ZFHX3: variants seen among roughly 807,000 people sequenced by gnomAD.
ZFHX3 encodes zinc finger homeobox protein 3.
ZFHX3 carries 42 observed loss-of-function variants against 279.1 expected under a neutral mutation model. That is an observed-to-expected ratio of 0.15 (90% CI 0.12 to 0.19). ZFHX3 has a LOEUF of 0.19. Among genes scored for constraint, ZFHX3 ranks in the 10% least tolerant of loss-of-function variants. The pLI is 1.00. For missense variants in ZFHX3, 4,981 were observed against 4,754.0 expected, an observed-to-expected ratio of 1.05 and a Z score of -1.40; for synonymous variants, 2,293 against 1,957.8, an observed-to-expected ratio of 1.17 and a Z score of -4.52.
intron 1 of ZFHX3, among the ~76,000 whole-genome samples, chr16:73,011,347 G>T (rs1963912318): frequency 6.6e-6 from 1 of 151,584 alleles, no homozygotes; most frequent in Non-Finnish European, 1.5e-5. Flanking sequence ...GCCCAGCGTG[G>T]TCTCAAACTC....
chr16:72,829,262 C>T (rs553163607), intron 5 of ZFHX3, among the ~76,000 whole-genome samples: 11 of 152,038 alleles, frequency 7.2e-5, no homozygotes, highest in South Asian at 4.2e-4. Flanking sequence ...ATCCTCCCAC[C>T]TCAGCCTCCC....
At chr16:73,394,667 C>T (rs546710994) in intron 3 of ZFHX3, among the ~76,000 whole-genome samples, 27 of 152,158 alleles carry the variant, frequency 1.8e-4, no homozygotes, top group African/African-American at 3.1e-4. Context: ...TGTAATGGTA[C>T]AGAAAACCCT....
At chr16:73,223,449 T>C (rs527489715) in intron 5 of ZFHX3, among the ~76,000 whole-genome samples, 1 of 152,210 alleles carries the variant, frequency 6.6e-6, no homozygotes, top group South Asian at 2.1e-4. Context: ...ATATAGATGG[T>C]AAACAAGCAT....
chr16:73,257,091 G>A (rs950643610), exon 5 of ZFHX3: 1 of 152,170 alleles, frequency 6.6e-6, no homozygotes, highest in African/African-American at 2.4e-5. Flanking sequence ...AGGACTCAAA[G>A]TTGTCCTGTT....
chr16:73,679,468 T>A (rs1468373013), intron 2 of ZFHX3: 1 of 152,180 alleles, frequency 6.6e-6, no homozygotes, highest in Non-Finnish European at 1.5e-5. Flanking sequence ...AATGGTAACT[T>A]GGTTCTGCGT....
chr16:73,498,489 CA>C (rs2019179335), intron 2 of ZFHX3, among the ~76,000 whole-genome samples: 1 of 152,148 alleles, frequency 6.6e-6, no homozygotes, highest in Admixed American at 6.5e-5. Flanking sequence ...AATCATTTTT[CA>C]AAAGACCTGG....
intron 3 of ZFHX3, among the ~76,000 whole-genome samples, chr16:72,932,119 T>C (rs551648402): frequency 6.6e-6 from 1 of 152,200 alleles, no homozygotes; most frequent in Admixed American, 6.5e-5. Context: ...GAGTGTCCTG[T>C]GTACTCTATG....
At chr16:73,873,945 A>G (rs1263553815) in intron 1 of ZFHX3, among the ~76,000 whole-genome samples, 2 of 152,092 alleles carry the variant, frequency 1.3e-5, no homozygotes, top group African/African-American at 4.8e-5. Flanking sequence ...ATTTTCAGAC[A>G]CAACAGTCAG....
At chr16:72,827,767 G>A (rs2036969357) in intron 5 of ZFHX3, among the ~76,000 whole-genome samples, 2 of 152,160 alleles carry the variant, frequency 1.3e-5, no homozygotes, top group Admixed American at 1.3e-4. Context: ...CGCCTAGGGT[G>A]TTTGACCCTC....
At chr16:73,039,794 A>C (rs1965045207) in intron 1 of ZFHX3, among the ~76,000 whole-genome samples, 1 of 152,102 alleles carries the variant, frequency 6.6e-6, no homozygotes, top group African/African-American at 2.4e-5. Context: ...GGCCTACCAA[A>C]GTGCTGGGAT....
chr16:73,069,357 AAAG>A (rs1256238369), intron 8 of ZFHX3, among the ~76,000 whole-genome samples: 1 of 152,146 alleles, frequency 6.6e-6, no homozygotes, highest in East Asian at 1.9e-4. Flanking sequence ...GGGGGAAGCA[AAAG>A]AAGAAGCAAT....
Position 73,472,451 on chromosome 16 carries a change from C to T in ZFHX3, c.-1546-16193G>A, listed in dbSNP as rs1363059620. Reference sequence around the variant, plus strand: ...AAGCCACAAAGCTTCAAGTTCACTGCCAAAAAGCTCCACCACATTGGAAGA... The same window carrying T: ...AAGCCACAAAGCTTCAAGTTCACTGTCAAAAAGCTCCACCACATTGGAAGA... On this transcript the variant is annotated intron_variant, in intron 2 of 17. Transcript: ENST00000641206. Among the ~76,000 whole-genome samples the T allele has an allele frequency of 2.6e-5, 4 of 152,196 alleles. No individual in the cohort carries two copies. In the East Asian group the frequency reaches 5.8e-4, roughly 22 times the overall value.
intron 2 of ZFHX3, among the ~76,000 whole-genome samples, chr16:72,953,463 T>C (rs1305105877): frequency 6.6e-6 from 1 of 152,168 alleles, no homozygotes. Flanking sequence ...CATCAAATCG[T>C]CTCCACTTTT....
At chr16:73,356,168 A>G (rs894283454) in intron 3 of ZFHX3, among the ~76,000 whole-genome samples, 1 of 151,964 alleles carries the variant, frequency 6.6e-6, no homozygotes, top group African/African-American at 2.4e-5. Context: ...TGGCGGAGTC[A>G]CCCCCCGCCG....
At chr16:73,288,326 T>A (rs1489471244) in intron 4 of ZFHX3, among the ~76,000 whole-genome samples, 4 of 152,038 alleles carry the variant, frequency 2.6e-5, no homozygotes, top group Admixed American at 2.0e-4. Flanking sequence ...AAGCTGGACA[T>A]CCCTCCATGT....
rs1178409943 is a variant in ZFHX3, at chr16:73,483,810, G to A, written c.-1546-27552C>T. On this transcript the variant is annotated intron_variant, in intron 2 of 17. Transcript: ENST00000641206. ...AATTGGGAGGTGCTGTTCCCATTAG[G>A]AGTCCTGCAAATTATGAAGAAAAAT... 3.9e-5 allele frequency among the ~76,000 whole-genome samples: 6 copies of A among 152,082 alleles called. No individual in the cohort carries two copies. In the South Asian group the frequency reaches 8.3e-4, roughly 21 times the overall value.
chr16:73,402,848 C>T (rs550070680), intron 3 of ZFHX3, among the ~76,000 whole-genome samples: 4 of 151,202 alleles, frequency 2.6e-5, no homozygotes, highest in East Asian at 1.9e-4. Flanking sequence ...CCCTAAGGTA[C>T]GGCAGAGGGA....
intron 1 of ZFHX3, among the ~76,000 whole-genome samples, chr16:73,022,721 T>C (rs543248826): frequency 8.9e-4 from 136 of 152,176 alleles, no homozygotes; most frequent in Admixed American, 1.6e-3. Context: ...ATGAGCGAAG[T>C]TGGCTGGGAA....
chr16:73,599,872 T>G (rs1015741677), intron 2 of ZFHX3, among the ~76,000 whole-genome samples: 8 of 152,194 alleles, frequency 5.3e-5, no homozygotes, highest in African/African-American at 1.9e-4. Context: ...TGTGGATTCT[T>G]AGGCCAGTTA....
Sources: gnomAD v4.1 joint callset for allele counts (sites outside exome capture counted in the v4.1 genomes callset) on GRCh38, gnomAD v4.1.1 for gene constraint, MANE v1.5 for transcripts, NCBI Gene and HGNC (gene_info 2026-07-23, HGNC 2026-07-21) for gene names.